PIK3C2B: variants seen among roughly 807,000 people sequenced by gnomAD.
PIK3C2B encodes the protein phosphatidylinositol 4-phosphate 3-kinase C2 domain-containing subunit beta.
In PIK3C2B, 83 loss-of-function variants were observed where a neutral mutation model predicts 184.3. That is an observed-to-expected ratio of 0.45 (90% CI 0.38 to 0.54). The LOEUF (loss-of-function observed/expected upper bound fraction) is 0.54, where lower values mean the gene tolerates loss of function less well. Among genes scored for constraint, PIK3C2B ranks in the 20% least tolerant of loss-of-function variants. The pLI is 0.00. For missense variants in PIK3C2B, 1,736 were observed against 2,113.5 expected, an observed-to-expected ratio of 0.82 and a Z score of 3.50; for synonymous variants, 779 against 837.6, an observed-to-expected ratio of 0.93 and a Z score of 1.21.
chr1:204,436,400 C>T (rs1408419953), intron 23 of PIK3C2B, among the ~76,000 whole-genome samples: 1 of 152,122 alleles, frequency 6.6e-6, no homozygotes, highest in East Asian at 1.9e-4. Flanking sequence ...CATGGTGGCA[C>T]ATGCCTGTAG....
rs536703432 is a variant in PIK3C2B, at chr1:204,430,061, G to A, written c.4281-23C>T. 259 of 1,466,694 alleles carry A rather than the reference G, an allele frequency of 1.8e-4. 5 individuals are homozygous for A. The highest frequency in any genetic ancestry group is 1.7e-3 in the Middle Eastern group (10 of 5,800). 90.9% of individuals were successfully genotyped at this position (1,466,694 alleles called of 1,614,324 possible). A position where few individuals can be genotyped will look rare whatever the true frequency, so the allele number is the denominator to read the frequency against. On this transcript the variant is annotated intron_variant, in intron 28 of 32. Coordinates refer to ENST00000684373, the MANE Select transcript of PIK3C2B (RefSeq NM_001377334.1). ...AAGCTGGCGTGGCAGCGTAGGCAGC[G>A]GGGATGCAGGAGGTGAAGATGGGGA...
Position 204,449,860 on chromosome 1 carries a change from T to C in PIK3C2B, c.2224A>G (p.Asn742Asp). 3 of 1,610,326 alleles carry C rather than the reference T, an allele frequency of 1.9e-6. No individual in the cohort carries two copies. Among genetic ancestry groups the C allele is most frequent in the Non-Finnish European group, 2.5e-6 (3 of 1,178,178 alleles). Reference protein sequence around the residue: ...ALGWVTTPLFNFRQVLTCGRK... With the variant: ...ALGWVTTPLFDFRQVLTCGRK... ...CTGGGGCTCACATACTGCCTGAAGT[T>C]GAAGAGTGGGGTAGTGACCCAGCCC... The change falls in exon 13 of 33, where the codon AAC (asparagine) becomes GAC (aspartate). Residue 742 changes from asparagine (N) to aspartate (D), a missense_variant. By Grantham distance (23) the Asn-to-Asp change is conservative. Transcript: ENST00000684373.
chr1:204,478,548 T>A (rs1656889298), intron 1 of PIK3C2B, among the ~76,000 whole-genome samples: 1 of 152,218 alleles, frequency 6.6e-6, no homozygotes, highest in South Asian at 2.1e-4. Flanking sequence ...ATCACATGCA[T>A]CCATAAGGTC....
At chr1:204,485,283 T>C (rs1657494252) in intron 1 of PIK3C2B, among the ~76,000 whole-genome samples, 1 of 152,110 alleles carries the variant, frequency 6.6e-6, no homozygotes, top group Non-Finnish European at 1.5e-5. Flanking sequence ...CTCTCTTAAA[T>C]TGGTCCATTC....
chr1:204,438,954 C>G lies in PIK3C2B; in HGVS notation c.3497G>C (p.Gly1166Ala). The G allele has an allele frequency of 5.6e-6, 9 of 1,613,922 alleles. No homozygotes were observed. Among genetic ancestry groups the G allele is most frequent in the Non-Finnish European group, 5.9e-6 (7 of 1,180,024 alleles). The part of the protein sequence containing the change: ...LADWLQKHNP[G>A]EDEYEKAVEN... ...CCCTACCTTCTCATACTCGTCCTCCCCAGGGTTGTGTTTCTGCAGCCAGTC... is the reference window on the plus strand; with the variant it reads ...CCCTACCTTCTCATACTCGTCCTCCGCAGGGTTGTGTTTCTGCAGCCAGTC... The change falls in exon 23 of 33, where the codon GGG becomes GCG. Residue 1166 changes from glycine to alanine, a missense_variant. Around this residue, in one of 8 missense-constraint regions of PIK3C2B, gnomAD observed 289 missense variants for 380.4 expected, o/e 0.76. Transcript: ENST00000684373.
chr1:204,439,141 G>A (rs903449873), intron 22 of PIK3C2B, 70 bp from the exon 23 acceptor site: 26 of 1,513,318 alleles, frequency 1.7e-5, no homozygotes, highest in Non-Finnish European at 2.4e-5. Flanking sequence ...GGACTACAAG[G>A]ACTGTGCTCA....
intron 16 of PIK3C2B, among the ~76,000 whole-genome samples, chr1:204,445,680 C>A (rs1308686985): frequency 6.6e-6 from 1 of 151,358 alleles, no homozygotes; most frequent in Non-Finnish European, 1.5e-5. Context: ...TGTACACAAT[C>A]CAGCACACAG....
chr1:204,450,184 A>T (rs1049522884), intron 12 of PIK3C2B, 167 bp from the exon 13 acceptor site: 3 of 572,342 alleles, frequency 5.2e-6, no homozygotes, highest in Non-Finnish European at 9.2e-6. Context: ...GAGAGGTCCC[A>T]AACTAGGCAA....
chr1:204,480,797 G>A (rs890270803), intron 1 of PIK3C2B, among the ~76,000 whole-genome samples: 6 of 151,966 alleles, frequency 3.9e-5, no homozygotes, highest in Non-Finnish European at 7.4e-5. Flanking sequence ...CTAAGGCGCC[G>A]ACCAGCCCCC....
chr1:204,424,508 T>TCCC lies in PIK3C2B; in HGVS notation c.*343_*344insGGG. The TCCC allele has an allele frequency of 4.2e-5, 15 of 358,414 alleles. 3 individuals are homozygous for TCCC. Among genetic ancestry groups the TCCC allele is most frequent in the Non-Finnish European group, 6.5e-5 (12 of 185,010 alleles). The allele number at this position is 358,414 out of a possible 1,614,324, so 22.2% of individuals were successfully genotyped here. A position where few individuals can be genotyped will look rare whatever the true frequency, so the allele number is the denominator to read the frequency against. On this transcript the variant is annotated 3_prime_UTR_variant, in exon 33 of 33. Transcript: ENST00000684373. ...TTTTTTAAAAATAAAAATTAAGATA[T>TCCC]CCACCCACCCACCCCCAAAATGCTA...
At chr1:204,426,899 G>T (rs1329803426) in intron 31 of PIK3C2B, among the ~76,000 whole-genome samples, 1 of 152,138 alleles carries the variant, frequency 6.6e-6, no homozygotes, top group East Asian at 1.9e-4. Flanking sequence ...ACTTTGGGAG[G>T]CTGAGACAGA....
intron 5 of PIK3C2B, among the ~76,000 whole-genome samples, chr1:204,461,527 G>C (rs552557208): frequency 6.6e-6 from 1 of 152,278 alleles, no homozygotes; most frequent in Admixed American, 6.5e-5. Context: ...TGGGAATCTA[G>C]GCCAGAAATG....
chr1:204,459,151 G>A (rs1301967156), intron 8 of PIK3C2B, among the ~76,000 whole-genome samples: 1 of 152,134 alleles, frequency 6.6e-6, no homozygotes, highest in Non-Finnish European at 1.5e-5. Context: ...AGAGTAGCTG[G>A]GGCTACAGGT....
chr1:204,464,062 G>A lies in PIK3C2B; in HGVS notation c.1260C>T (p.Asp420=), dbSNP rs1441471108. 3.1e-6 allele frequency: 5 copies of A among 1,614,170 alleles called. No homozygotes were observed. The highest frequency in any genetic ancestry group is 4.5e-5 in the East Asian group (2 of 44,886). ...CYTHDDLRNV[D]VGDFVLKPCG... The stretch of plus-strand genomic sequence containing the variant: ...AGGGCTTTAGCACAAAGTCACCCAC[G>A]TCCACATTCCTCAGGTCATCATGGG... The change falls in exon 5 of 33, where the codon GAC becomes GAT. Residue 420 remains aspartate, a synonymous_variant. Transcript: ENST00000684373.
intron 1 of PIK3C2B, among the ~76,000 whole-genome samples, chr1:204,479,770 T>A (rs1656988433): frequency 6.6e-5 from 10 of 152,214 alleles, no homozygotes; most frequent in Admixed American, 6.5e-4. Flanking sequence ...TCAGCTTCCT[T>A]AGCTCATGCC....
At chr1:204,459,813 A>G in intron 8 of PIK3C2B, 65 bp downstream of exon 8, 2 of 1,322,778 alleles carry the variant, frequency 1.5e-6, no homozygotes, top group Non-Finnish European at 2.2e-6. Flanking sequence ...TGATCCCAGG[A>G]GGACTGAGGA....
chr1:204,453,768 TAACA>T (rs1192667325), intron 12 of PIK3C2B, among the ~76,000 whole-genome samples: 1 of 100,304 alleles, frequency 1.0e-5, no homozygotes, highest in Non-Finnish European at 2.2e-5. Context: ...AATTAACAAC[TAACA>T]TTTAATTTTT....
Position 204,446,037 on chromosome 1 carries a change from G to A in PIK3C2B, c.2597C>T (p.Ala866Val). 2.5e-6 allele frequency: 4 copies of A among 1,604,230 alleles called. No individual in the cohort carries two copies. Among genetic ancestry groups the A allele is most frequent in the Non-Finnish European group, 3.4e-6 (4 of 1,173,258 alleles). The change falls in exon 16 of 33, where the codon GCT becomes GTT. Residue 866 changes from alanine (A) to valine (V), a missense_variant. By Grantham distance (64) the Ala-to-Val change is moderately conservative. Around this residue, in one of 8 missense-constraint regions of PIK3C2B, gnomAD observed 609 missense variants for 699.2 expected, o/e 0.87. Transcript: ENST00000684373. ...VLASAPSWEW[A>V]CLPDIYVLLK... ...GAGAACATAGATGTCAGGCAGGCAA[G>A]CCCACTCCCAGCTGGGGGCGCTGGC...
In PIK3C2B at chr1:204,449,992, G is replaced by A. The variant is rs544347499; in HGVS notation, c.2092C>T (p.Arg698Trp). The A allele has an allele frequency of 5.6e-5, 89 of 1,583,740 alleles. 1 individual carries two copies. Among genetic ancestry groups the A allele is most frequent in the Non-Finnish European group, 6.9e-5 (80 of 1,164,366 alleles). The change falls in exon 13 of 33, where the codon CGG (arginine) becomes TGG (tryptophan). Residue 698 changes from arginine to tryptophan, a missense_variant. By Grantham distance (101) the Arg-to-Trp change is moderately radical. Coordinates refer to ENST00000684373, the MANE Select transcript of PIK3C2B (RefSeq NM_001377334.1). ...CACAGCAGTGTCTCCCGAGGCAGCC[G>A]GTTCACCTGCACTGGGAAGCAGATC... ...QQICFPVQVN[R>W]LPRETLLCAT...
Sources: allele counts gnomAD v4.1 joint callset (sites outside exome capture counted in the v4.1 genomes callset), GRCh38; gene constraint gnomAD v4.1.1; regional missense constraint gnomAD v4.1.1; transcripts MANE v1.5; gene names NCBI Gene and HGNC (gene_info 2026-07-23, HGNC 2026-07-21).